Variants in RAE1 observed in about 807,000 individuals in gnomAD.
RAE1 encodes ribonucleic acid export 1, also known as mRNA export factor RAE1.
RAE1 carries 13 observed loss-of-function variants against 52.7 expected under a neutral mutation model. The observed-to-expected ratio is 0.25, with a 90% CI of 0.16 to 0.39. The LOEUF (loss-of-function observed/expected upper bound fraction) is 0.39. Among genes scored for constraint, RAE1 ranks in the 10% least tolerant of loss-of-function variants. RAE1 has a pLI of 1.00. For synonymous variants in RAE1, 164 were observed against 153.1 expected, an observed-to-expected ratio of 1.07 and a Z score of -0.52; for missense variants, 262 against 459.8, an observed-to-expected ratio of 0.57 and a Z score of 3.93.
intron 4 of RAE1, among the ~76,000 whole-genome samples, chr20:57,363,587 T>C (rs1161961838): frequency 6.6e-6 from 1 of 152,150 alleles, no homozygotes; most frequent in Non-Finnish European, 1.5e-5. Context: ...GAAGAATCCT[T>C]GAGTCCAGGA....
chr20:57,368,642 A>G, intron 7 of RAE1, 63 bp from the exon 8 acceptor site: 3 of 1,141,976 alleles, frequency 2.6e-6, no homozygotes, highest in South Asian at 1.3e-5. Context: ...GATCAAATAC[A>G]TTAGTATAAA....
In RAE1 at chr20:57,373,650, C is replaced by A. The variant is rs759635689; in HGVS notation, c.750-13C>A. The A allele has an allele frequency of 6.2e-7, 1 of 1,613,980 alleles. No individual in the cohort carries two copies. Among genetic ancestry groups the A allele is most frequent in the South Asian group, 1.1e-5 (1 of 91,086 alleles). On this transcript the variant is annotated splice_polypyrimidine_tract_variant and intron_variant, in intron 9 of 11. Transcript: ENST00000395841. Reference sequence around the variant, plus strand: ...TTAACAAAGGAAGACTTACATGAACCTTTGTCTTTCAGCGCCAAAGATAAC... The same window carrying A: ...TTAACAAAGGAAGACTTACATGAACATTTGTCTTTCAGCGCCAAAGATAAC...
rs1324286892 is a variant in RAE1, at chr20:57,373,463, T to G, written c.643-12T>G. ...ATGCTGTGATTATGTCTCTTTTTTA[T>G]TTTAACTGTAGCATCGGTGTGTGGC... On this transcript the variant is annotated splice_polypyrimidine_tract_variant and intron_variant, in intron 8 of 11. Transcript: ENST00000395841. 1 of 1,605,646 alleles carries G rather than the reference T, an allele frequency of 6.2e-7. No homozygotes were observed.
In RAE1 at chr20:57,359,088, G is replaced by T. The variant is rs760713079; in HGVS notation, c.288+2550G>T. 4.4e-6 allele frequency: 6 copies of T among 1,352,144 alleles called. No individual in the cohort carries two copies. The Admixed American group carries it at 1.0e-4, about 23-fold the overall frequency. 83.8% of individuals were successfully genotyped at this position (1,352,144 alleles called of 1,614,324 possible). ...ACAAGTGATTATGCTACCTTCGCAC[G>T]GTCAGGATACCACAGCTGTTGAATA... On this transcript the variant is annotated intron_variant, in intron 4 of 11. Transcript: ENST00000395841.
At chr20:57,366,983 A>T (rs766881201) in intron 6 of RAE1, 25 bp from the exon 7 acceptor site, 1 of 1,596,850 alleles carries the variant, frequency 6.3e-7, no homozygotes, top group Non-Finnish European at 8.6e-7. Flanking sequence ...ATGGTCACAT[A>T]CTGGCTTCTC....
intron 4 of RAE1, among the ~76,000 whole-genome samples, chr20:57,361,574 T>G (rs1417352216): frequency 6.6e-6 from 1 of 152,148 alleles, no homozygotes; most frequent in Non-Finnish European, 1.5e-5. Flanking sequence ...ATCTATTGAT[T>G]AATTGTTAAG....
intron 4 of RAE1, among the ~76,000 whole-genome samples, chr20:57,361,126 G>A (rs752144485): frequency 3.3e-5 from 5 of 151,970 alleles, no homozygotes; most frequent in Non-Finnish European, 7.4e-5. Context: ...AATAGAAATA[G>A]TTGCTTACAG....
intron 8 of RAE1, 142 bp from the exon 9 acceptor site, chr20:57,373,333 A>G (rs986588627): frequency 2.6e-5 from 19 of 721,258 alleles, no homozygotes; most frequent in African/African-American, 1.1e-4. Context: ...TTAGAAAGCA[A>G]TGCTTACTGC....
intron 1 of RAE1, chr20:57,351,914 C>T (rs1176386468): frequency 2.2e-5 from 22 of 985,414 alleles, no homozygotes; most frequent in Non-Finnish European, 2.2e-5. Context: ...GGCAGTACTT[C>T]TCCAGGCAAG....
intron 4 of RAE1, 81 bp from the exon 5 acceptor site, chr20:57,365,275 G>A (rs758957977): frequency 1.4e-5 from 14 of 1,027,476 alleles, no homozygotes; most frequent in Non-Finnish European, 1.8e-5. Flanking sequence ...GCCTCAATAT[G>A]TTCAACGTAG....
chr20:57,353,928 C>G, intron 1 of RAE1, 104 bp from the exon 2 acceptor site: 2 of 1,014,666 alleles, frequency 2.0e-6, no homozygotes, highest in Non-Finnish European at 3.0e-6. Flanking sequence ...AGCCTGGCCT[C>G]AAGCCACTTT....
chr20:57,356,434 T>G lies in RAE1; in HGVS notation c.196-12T>G, dbSNP rs757252854. 1.2e-6 allele frequency: 2 copies of G among 1,604,250 alleles called. No individual in the cohort carries two copies. The highest frequency in any genetic ancestry group is 1.7e-6 in the Non-Finnish European group (2 of 1,173,094). On this transcript the variant is annotated splice_polypyrimidine_tract_variant and intron_variant, in intron 3 of 11. Coordinates refer to ENST00000395841, the MANE Select transcript of RAE1 (RefSeq NM_003610.4). ...ATTGCTTTGTTTGCATTGAATTTTT[T>G]TGTTACTACAGGTTCGCTGCTGGGA... is the stretch of plus-strand genomic sequence containing the variant.
chr20:57,369,684 G>T (rs1212534934), intron 8 of RAE1, among the ~76,000 whole-genome samples: 1 of 152,210 alleles, frequency 6.6e-6, no homozygotes, highest in Non-Finnish European at 1.5e-5. Context: ...TCTGCATCAT[G>T]CCTAGATGCT....
At chr20:57,368,185 T>C (rs1163694911) in intron 7 of RAE1, among the ~76,000 whole-genome samples, 2 of 152,192 alleles carry the variant, frequency 1.3e-5, no homozygotes, top group African/African-American at 2.4e-5. Flanking sequence ...CATGCCCGGC[T>C]GGTCTTTGTT....
chr20:57,368,111 C>G (rs1347983572), intron 7 of RAE1, among the ~76,000 whole-genome samples: 1 of 152,154 alleles, frequency 6.6e-6, no homozygotes, highest in Non-Finnish European at 1.5e-5. Flanking sequence ...TGGTCTCGAT[C>G]TTTTGACCTC....
chr20:57,351,274 C>G lies in RAE1; in HGVS notation c.-156C>G, dbSNP rs546630484. The G allele has an allele frequency of 1.0e-6, 1 of 985,456 alleles. No individual in the cohort carries two copies. The highest frequency in any genetic ancestry group is 6.1e-5 in the Admixed American group (1 of 16,288). The allele number at this position is 985,456 out of a possible 1,614,324, so 61.0% of individuals were successfully genotyped here. On this transcript the variant is annotated 5_prime_UTR_variant, in exon 1 of 12. Coordinates refer to ENST00000395841, the MANE Select transcript of RAE1 (RefSeq NM_003610.4). The stretch of plus-strand genomic sequence containing the variant: ...CGCGTTGTTTCCGCGGTAGTCAGGG[C>G]AGTTTCTACCGCAGGCTTAAGGAGG...
At chr20:57,359,523 ACT>A (rs2066859478) in intron 4 of RAE1, 2 of 152,180 alleles carry the variant, frequency 1.3e-5, no homozygotes, top group Admixed American at 6.5e-5. Flanking sequence ...AATGTTTTTT[ACT>A]CTCTGTAGGA....
At chr20:57,368,671 C>A in intron 7 of RAE1, 34 bp from the exon 8 acceptor site, 1 of 1,482,592 alleles carries the variant, frequency 6.7e-7, no homozygotes, top group Non-Finnish European at 9.4e-7. Flanking sequence ...ACTCCTTCAC[C>A]TGAAGCGCAT....
intron 4 of RAE1, chr20:57,358,937 C>G: frequency 7.1e-7 from 1 of 1,412,262 alleles, no homozygotes; most frequent in Non-Finnish European, 9.2e-7. Context: ...TGAATTAAAG[C>G]TCCATAAGGT....
Sources: gnomAD v4.1 joint callset for allele counts (sites outside exome capture counted in the v4.1 genomes callset) on GRCh38, gnomAD v4.1.1 for gene constraint, MANE v1.5 for transcripts, NCBI Gene and HGNC (gene_info 2026-07-23, HGNC 2026-07-21) for gene names.